DPP10: variants seen among roughly 807,000 people sequenced by gnomAD.
DPP10 encodes dipeptidyl peptidase like 10, also known as inactive dipeptidyl peptidase 10.
Under a neutral mutation model 120.9 loss-of-function variants are expected in DPP10, and 33 were observed. That is an observed-to-expected ratio of 0.27 (90% confidence interval 0.21 to 0.37). DPP10 has a LOEUF of 0.37. DPP10 is among the 10% of genes least tolerant of loss of function. DPP10 has a pLI of 1.00. For synonymous variants in DPP10, 337 were observed against 326.1 expected (o/e 1.03, Z -0.36); for missense variants, 816 against 942.8 (o/e 0.87, Z 1.76).
rs1573433723 is a variant in DPP10, at chr2:114,474,781, A to G, written c.60+31943A>G. 2.0e-5 allele frequency among the ~76,000 whole-genome samples: 3 copies of G among 152,336 alleles called. No individual in the cohort carries two copies. In the South Asian group the frequency reaches 6.2e-4, roughly 32 times the overall value. ...TACTGAGTAGCTTTGTCCTCCACTT[A>G]TAAGGCATTGGATAGATGTTCAAAA... On this transcript the variant is annotated intron_variant, in intron 1 of 25. Coordinates refer to ENST00000410059, the MANE Select transcript of DPP10 (RefSeq NM_020868.6).
chr2:115,130,130 A>G (rs1007312570), intron 1 of DPP10, among the ~76,000 whole-genome samples: 3 of 152,164 alleles, frequency 2.0e-5, no homozygotes, highest in Non-Finnish European at 4.4e-5. Flanking sequence ...AGTTTCATTG[A>G]GGTCTGCCTC....
chr2:114,664,373 C>T (rs138414905), intron 1 of DPP10, among the ~76,000 whole-genome samples: 300 of 151,976 alleles, frequency 2.0e-3, no homozygotes, highest in African/African-American at 6.8e-3. Flanking sequence ...TCATGCCTGT[C>T]ATCCCAACAC....
chr2:114,858,360 T>C (rs74386719), intron 1 of DPP10, among the ~76,000 whole-genome samples: 2,242 of 152,312 alleles, frequency 0.015, 25 homozygotes, highest in Non-Finnish European at 0.024. Flanking sequence ...TTTTTGCCTC[T>C]GTAACAATTT....
At chr2:115,707,913 T>C (rs1354082782) in intron 7 of DPP10, among the ~76,000 whole-genome samples, 1 of 151,896 alleles carries the variant, frequency 6.6e-6, no homozygotes, top group African/African-American at 2.4e-5. Flanking sequence ...AATTACAGAA[T>C]TGATTACTTT....
intron 1 of DPP10, chr2:115,064,789 T>C (rs781749899): frequency 2.3e-6 from 3 of 1,304,272 alleles, no homozygotes; most frequent in South Asian, 2.5e-5. Flanking sequence ...GAGGGACCAG[T>C]AGATGGTTCT....
chr2:115,692,947 A>C (rs1339538603), intron 7 of DPP10, among the ~76,000 whole-genome samples: 3 of 152,158 alleles, frequency 2.0e-5, no homozygotes. Context: ...CTTTCATTGG[A>C]AAATAATCTG....
chr2:114,934,796 G>GA (rs1281194315), intron 1 of DPP10, among the ~76,000 whole-genome samples: 2 of 152,120 alleles, frequency 1.3e-5, no homozygotes, highest in Admixed American at 1.3e-4. Flanking sequence ...TTGAGGGGAG[G>GA]AGGTAAGTGA....
chr2:115,745,569 CG>C lies in DPP10; in HGVS notation c.853-514del, dbSNP rs536375423. On this transcript the variant is annotated intron_variant, in intron 9 of 25. Coordinates refer to ENST00000410059, the MANE Select transcript of DPP10 (RefSeq NM_020868.6). ...ATTAGTAATGTTTAAAAGGAAAGCCCGGGAGATTAATGCGATAGCATACATT... is the reference window on the plus strand; with the variant it reads ...ATTAGTAATGTTTAAAAGGAAAGCCCGGAGATTAATGCGATAGCATACATT... Among the ~76,000 whole-genome samples the C allele has an allele frequency of 2.0e-3, 304 of 150,478 alleles. 12 individuals are homozygous for C. The highest frequency in any genetic ancestry group is 3.2e-3 in the Non-Finnish European group (217 of 67,844).
intron 1 of DPP10, among the ~76,000 whole-genome samples, chr2:115,014,862 C>CA (rs144688918): frequency 0.47 from 55,872 of 118,278 alleles, 12,827 homozygotes; most frequent in East Asian, 0.64. Flanking sequence ...GCCTACCAAC[C>CA]AAAAAAAAAA....
intron 3 of DPP10, among the ~76,000 whole-genome samples, chr2:115,459,536 C>G (rs1008337029): frequency 2.6e-5 from 4 of 151,968 alleles, no homozygotes; most frequent in African/African-American, 9.7e-5. Flanking sequence ...TATAATTGAT[C>G]TCAATTTTTT....
chr2:115,544,526 A>G (rs1038466838), intron 5 of DPP10, among the ~76,000 whole-genome samples: 2 of 152,060 alleles, frequency 1.3e-5, no homozygotes, highest in Non-Finnish European at 2.9e-5. Flanking sequence ...ATCATGGATT[A>G]TTTTGTATTT....
chr2:115,473,354 A>G (rs925643401), intron 3 of DPP10, among the ~76,000 whole-genome samples: 1 of 152,176 alleles, frequency 6.6e-6, no homozygotes, highest in Non-Finnish European at 1.5e-5. Context: ...AGTTCCTTAA[A>G]ATGAACTCTA....
At chr2:115,251,889 GA>G (rs1270145413) in intron 1 of DPP10, among the ~76,000 whole-genome samples, 3 of 152,160 alleles carry the variant, frequency 2.0e-5, no homozygotes, top group Non-Finnish European at 4.4e-5. Context: ...ATAGGCTGTA[GA>G]AAAAATGGTT....
intron 1 of DPP10, among the ~76,000 whole-genome samples, chr2:114,797,131 C>A (rs1309834174): frequency 6.6e-6 from 1 of 152,170 alleles, no homozygotes; most frequent in Admixed American, 6.5e-5. Flanking sequence ...AGAGCTTTCC[C>A]TGTTTTAAAG....
At chr2:115,115,338 AC>A (rs1226667522) in intron 1 of DPP10, among the ~76,000 whole-genome samples, 2 of 152,090 alleles carry the variant, frequency 1.3e-5, no homozygotes, top group Non-Finnish European at 2.9e-5. Flanking sequence ...TGCTGTGACA[AC>A]CATTGCTAGC....
At chr2:115,079,520 G>A (rs1262538051) in intron 1 of DPP10, among the ~76,000 whole-genome samples, 7 of 152,156 alleles carry the variant, frequency 4.6e-5, no homozygotes, top group Admixed American at 4.6e-4. Flanking sequence ...TTGGATTTGG[G>A]GTGGCATCAC....
chr2:115,135,200 G>A (rs1416699082), intron 1 of DPP10, among the ~76,000 whole-genome samples: 1 of 150,362 alleles, frequency 6.7e-6, no homozygotes, highest in Non-Finnish European at 1.5e-5. Flanking sequence ...CATACTTTAG[G>A]GTTGTACTTC....
intron 2 of DPP10, among the ~76,000 whole-genome samples, chr2:115,327,110 A>G (rs2062411371): frequency 6.6e-6 from 1 of 151,992 alleles, no homozygotes; most frequent in Admixed American, 6.6e-5. Flanking sequence ...TATATTTTCT[A>G]TGTTTAGATA....
intron 1 of DPP10, among the ~76,000 whole-genome samples, chr2:114,948,611 A>G (rs1163147212): frequency 6.6e-6 from 1 of 152,146 alleles, no homozygotes; most frequent in Non-Finnish European, 1.5e-5. Flanking sequence ...AGACTGAACC[A>G]CTTCTGTTTG....
Sources: allele counts gnomAD v4.1 joint callset (sites outside exome capture counted in the v4.1 genomes callset), GRCh38; gene constraint gnomAD v4.1.1; transcripts MANE v1.5; gene names NCBI Gene and HGNC (gene_info 2026-07-23, HGNC 2026-07-21).